PCDH15: variants seen among roughly 807,000 people sequenced by gnomAD.
PCDH15 encodes protocadherin related 15.
Under a neutral mutation model 178.5 loss-of-function variants are expected in PCDH15, and 129 were observed. That is an observed-to-expected ratio of 0.72 (90% confidence interval 0.63 to 0.84). The LOEUF (loss-of-function observed/expected upper bound fraction) is 0.84, where lower values mean the gene tolerates loss of function less well. Among genes scored for constraint, PCDH15 ranks in the 40% least tolerant of loss-of-function variants. The pLI is 0.00. For missense variants in PCDH15, 2,230 were observed against 2,099.9 expected (o/e 1.06, Z -1.21); for synonymous variants, 800 against 732.0 (o/e 1.09, Z -1.50).
intron 2 of PCDH15, among the ~76,000 whole-genome samples, chr10:54,548,428 A>C (rs2086130705): frequency 6.7e-6 from 1 of 148,330 alleles, no homozygotes; most frequent in South Asian, 2.1e-4. Flanking sequence ...GAAATAAATT[A>C]TTTGAAAAAC....
At chr10:54,482,684 G>C (rs1389121901) in intron 3 of PCDH15, among the ~76,000 whole-genome samples, 2 of 151,800 alleles carry the variant, frequency 1.3e-5, no homozygotes, top group African/African-American at 4.8e-5. Context: ...TGAAACACTT[G>C]TAAGGAGATT....
intron 23 of PCDH15, among the ~76,000 whole-genome samples, chr10:53,942,229 G>A (rs1215597706): frequency 4.6e-5 from 7 of 152,124 alleles, no homozygotes; most frequent in Admixed American, 4.6e-4. Flanking sequence ...TTAAAATGAA[G>A]TGTGTAAAGT....
intron 3 of PCDH15, among the ~76,000 whole-genome samples, chr10:54,440,584 CATTTA>C (rs1296729440): frequency 6.6e-6 from 1 of 151,736 alleles, no homozygotes; most frequent in East Asian, 1.9e-4. Context: ...TGGCATTGAA[CATTTA>C]ATTTAAAATG....
intron 21 of PCDH15, among the ~76,000 whole-genome samples, chr10:53,964,719 G>A (rs1397411123): frequency 2.0e-5 from 3 of 151,966 alleles, no homozygotes; most frequent in Admixed American, 6.6e-5. Context: ...ACCTAGTGGT[G>A]GATGGTCAGT....
chr10:54,509,036 T>G (rs1175392879), intron 3 of PCDH15, among the ~76,000 whole-genome samples: 1 of 152,178 alleles, frequency 6.6e-6, no homozygotes, highest in African/African-American at 2.4e-5. Context: ...TTGAATTTTC[T>G]TCCTGTGACA....
At chr10:55,383,358 G>T (rs1377945551) in intron 2 of PCDH15, among the ~76,000 whole-genome samples, 2 of 152,050 alleles carry the variant, frequency 1.3e-5, no homozygotes, top group Non-Finnish European at 2.9e-5. Context: ...GGAGTTTGGG[G>T]TTTTTATGGG....
intron 2 of PCDH15, among the ~76,000 whole-genome samples, chr10:55,539,350 ATCAT>A (rs1841705020): frequency 6.6e-6 from 1 of 151,978 alleles, no homozygotes; most frequent in South Asian, 2.1e-4. Context: ...CATTATCATC[ATCAT>A]TATCATTATG....
At chr10:54,840,873 G>T (rs916748400) in intron 3 of PCDH15, among the ~76,000 whole-genome samples, 3 of 151,606 alleles carry the variant, frequency 2.0e-5, no homozygotes, top group African/African-American at 7.3e-5. Context: ...TTCATCGAGA[G>T]GATATAATGA....
At position 55,294,188 on chromosome 10, in the gene PCDH15, T is replaced by C. The variant is rs117402888; in HGVS notation, c.-156+25411A>G. On this transcript the variant is annotated intron_variant, in intron 1 of 5. Transcript: ENST00000458638. Reference sequence around the variant, plus strand: ...AAACCACCAGATATCATGATACTTATTCACTATAACAAGAACAAAACAGGA... The same window carrying C: ...AAACCACCAGATATCATGATACTTACTCACTATAACAAGAACAAAACAGGA... Among the ~76,000 whole-genome samples the C allele has an allele frequency of 4.5e-3, 681 of 152,216 alleles. 11 individuals carry two copies. Among genetic ancestry groups the C allele is most frequent in the East Asian group, 0.032 (166 of 5,160 alleles).
intron 11 of PCDH15, among the ~76,000 whole-genome samples, chr10:54,193,099 A>G (rs1171725663): frequency 6.6e-6 from 1 of 152,216 alleles, no homozygotes; most frequent in East Asian, 1.9e-4. Flanking sequence ...GGTACTGTAC[A>G]TCTCCAAGAG....
At chr10:54,971,155 G>A (rs544206834) in intron 2 of PCDH15, among the ~76,000 whole-genome samples, 1 of 152,184 alleles carries the variant, frequency 6.6e-6, no homozygotes, top group Admixed American at 6.5e-5. Context: ...GTCAAGAGGT[G>A]GAATGTTATA....
chr10:54,315,994 G>T, intron 8 of PCDH15, among the ~76,000 whole-genome samples: 1 of 149,574 alleles, frequency 6.7e-6, no homozygotes, highest in African/African-American at 2.5e-5. Context: ...TTTTTTGGCT[G>T]GGATTCAACA....
intron 1 of PCDH15, among the ~76,000 whole-genome samples, chr10:55,191,947 TA>T (rs910932312): frequency 2.6e-5 from 4 of 151,862 alleles, no homozygotes; most frequent in South Asian, 2.1e-4. Flanking sequence ...TCTGAACTGC[TA>T]AAAAAAATTA....
chr10:54,124,777 A>G (rs1564477337), intron 15 of PCDH15, among the ~76,000 whole-genome samples: 2 of 152,226 alleles, frequency 1.3e-5, no homozygotes, highest in Admixed American at 6.5e-5. Context: ...CCTATTTTAC[A>G]AGAAATATTC....
At chr10:55,444,108 G>A (rs1267846039) in intron 2 of PCDH15, among the ~76,000 whole-genome samples, 1 of 151,246 alleles carries the variant, frequency 6.6e-6, no homozygotes, top group Non-Finnish European at 1.5e-5. Flanking sequence ...CACAGGGAGA[G>A]GAACATCACA....
intron 2 of PCDH15, among the ~76,000 whole-genome samples, chr10:55,610,359 A>C (rs1042438915): frequency 4.6e-5 from 7 of 152,126 alleles, no homozygotes; most frequent in African/African-American, 1.7e-4. Context: ...ATATACTCTT[A>C]GGTTCCATGT....
intron 2 of PCDH15, among the ~76,000 whole-genome samples, chr10:55,327,335 C>A (rs1844058856): frequency 6.6e-6 from 1 of 151,912 alleles, no homozygotes; most frequent in Admixed American, 6.6e-5. Context: ...AGTCATTTAG[C>A]CTATGGCATT....
At chr10:53,943,529 G>A (rs2086259940) in intron 23 of PCDH15, among the ~76,000 whole-genome samples, 1 of 151,770 alleles carries the variant, frequency 6.6e-6, no homozygotes. Context: ...AAAGAAAAAT[G>A]CTATGTCTTC....
At chr10:55,341,780 TA>T (rs1565031757) in intron 2 of PCDH15, among the ~76,000 whole-genome samples, 4 of 10,056 alleles carry the variant, frequency 4.0e-4, no homozygotes, top group East Asian at 1.2e-3. Flanking sequence ...TATATATATA[TA>T]TATATATATA....
Sources: gnomAD v4.1 joint callset for allele counts (sites outside exome capture counted in the v4.1 genomes callset) on GRCh38, gnomAD v4.1.1 for gene constraint, MANE v1.5 for transcripts, NCBI Gene and HGNC (gene_info 2026-07-23, HGNC 2026-07-21) for gene names.